ADGRA3: variants seen among roughly 807,000 people sequenced by gnomAD.
The protein encoded by ADGRA3 is adhesion G protein-coupled receptor A3.
ADGRA3 carries 56 observed loss-of-function variants against 119.8 expected under a neutral mutation model. That is an observed-to-expected ratio of 0.47 (90% CI 0.38 to 0.58). The LOEUF is 0.58. Ranked by LOEUF, ADGRA3 falls within the 20% of genes least tolerant of loss-of-function variation. The pLI is 0.00. For synonymous variants in ADGRA3, 607 were observed against 623.8 expected, an observed-to-expected ratio of 0.97 and a Z score of 0.40; for missense variants, 1,516 against 1,649.0, an observed-to-expected ratio of 0.92 and a Z score of 1.40.
chr4:22,431,089 G>T (rs1027607924), intron 10 of ADGRA3, among the ~76,000 whole-genome samples: 3 of 152,182 alleles, frequency 2.0e-5, no homozygotes, highest in African/African-American at 7.2e-5. Context: ...GAAGTTTGCT[G>T]CAGGGGTAGG....
chr4:22,448,469 G>A (rs958746666), intron 4 of ADGRA3, among the ~76,000 whole-genome samples: 3 of 152,132 alleles, frequency 2.0e-5, no homozygotes, highest in Non-Finnish European at 2.9e-5. Context: ...AGGTGGGGGT[G>A]GAACACAGCA....
intron 1 of ADGRA3, among the ~76,000 whole-genome samples, chr4:22,508,505 A>C (rs1255188459): frequency 6.6e-6 from 1 of 152,234 alleles, no homozygotes; most frequent in Non-Finnish European, 1.5e-5. Flanking sequence ...GGAAAAAGTA[A>C]TCTGTGCTGG....
At chr4:22,391,056 A>G (rs116357681) in intron 17 of ADGRA3, among the ~76,000 whole-genome samples, 16 of 152,176 alleles carry the variant, frequency 1.1e-4, no homozygotes, top group African/African-American at 3.9e-4. Context: ...TCTGCAGCCA[A>G]AAATCCAGTG....
Position 22,445,292 on chromosome 4 carries a change from G to C in ADGRA3, c.546-159C>G, listed in dbSNP as rs537792717. On this transcript the variant is annotated intron_variant, in intron 5 of 18. Coordinates refer to ENST00000334304, the MANE Select transcript of ADGRA3 (RefSeq NM_145290.4). ...ACTAGCTACAGTTTCTCTCCAAGGA[G>C]CTGAATTGCAGAGTGTTGGACCCCA... is the stretch of plus-strand genomic sequence containing the variant. 3.3e-5 allele frequency among the ~76,000 whole-genome samples: 5 copies of C among 152,296 alleles called. No homozygotes were observed. The East Asian group carries it at 9.7e-4, about 29-fold the overall frequency.
intron 4 of ADGRA3, among the ~76,000 whole-genome samples, chr4:22,453,850 C>CT (rs987498340): frequency 3.5e-4 from 53 of 149,720 alleles, no homozygotes; most frequent in African/African-American, 8.3e-4. Flanking sequence ...TTCTTTATTA[C>CT]TTTTTTTTTT....
At chr4:22,443,220 A>C in intron 6 of ADGRA3, 1 of 579,132 alleles carries the variant, frequency 1.7e-6, no homozygotes, top group Non-Finnish European at 3.0e-6. Context: ...TACACTTTGG[A>C]GACTGCAATA....
rs35762546 is a variant in ADGRA3, at chr4:22,442,712, G to C, written c.858C>G (p.Thr286=). The C allele has an allele frequency of 1.2e-6, 2 of 1,613,020 alleles. No individual in the cohort carries two copies. The highest frequency in any genetic ancestry group is 1.3e-5 in the African/African-American group (1 of 74,724). The change falls in exon 7 of 19, where the codon ACC becomes ACG. Residue 286 remains threonine, a synonymous_variant. Transcript: ENST00000334304. ...CAACAAAAATACCTTGCGATTCATC[G>C]GTTTCAACTATTCTCCCATCCTGAT... ...LWYQDGRIVE[T]DESQGIFVEK...
intron 3 of ADGRA3, among the ~76,000 whole-genome samples, chr4:22,457,672 T>C (rs368275193): frequency 6.6e-6 from 1 of 152,234 alleles, no homozygotes; most frequent in Non-Finnish European, 1.5e-5. Flanking sequence ...TGAATGAGAA[T>C]TTTTAAAATT....
chr4:22,466,673 C>T (rs1717670635), intron 2 of ADGRA3, among the ~76,000 whole-genome samples: 1 of 152,002 alleles, frequency 6.6e-6, no homozygotes, highest in Admixed American at 6.5e-5. Flanking sequence ...GAGATCACAC[C>T]ACCGCACTCC....
chr4:22,493,730 A>G (rs1269963735), intron 1 of ADGRA3, among the ~76,000 whole-genome samples: 2 of 152,226 alleles, frequency 1.3e-5, no homozygotes, highest in East Asian at 3.9e-4. Context: ...TCCATCTTGA[A>G]TAGGAGCTAG....
chr4:22,486,879 T>C (rs937174687), intron 1 of ADGRA3, among the ~76,000 whole-genome samples: 3 of 152,170 alleles, frequency 2.0e-5, no homozygotes, highest in Non-Finnish European at 4.4e-5. Context: ...TAAGAGACAA[T>C]ACAAGGCTTG....
chr4:22,502,026 C>T (rs1034589399), intron 1 of ADGRA3, among the ~76,000 whole-genome samples: 9 of 152,192 alleles, frequency 5.9e-5, no homozygotes, highest in African/African-American at 1.9e-4. Context: ...CTCCATTTCT[C>T]ATAGGTTCAG....
chr4:22,420,866 G>C lies in ADGRA3; in HGVS notation c.1809+20C>G, dbSNP rs904639071. On this transcript the variant is annotated intron_variant, in intron 12 of 18. Transcript: ENST00000334304. ...AATTTAACTGTAAATAGTCTTAAATGATTGCAGAATGTAACATACCTTTAG... is the reference window on the plus strand; with the variant it reads ...AATTTAACTGTAAATAGTCTTAAATCATTGCAGAATGTAACATACCTTTAG... 3.1e-6 allele frequency: 5 copies of C among 1,600,198 alleles called. No individual in the cohort carries two copies. Among genetic ancestry groups the C allele is most frequent in the Non-Finnish European group, 8.6e-7 (1 of 1,167,406 alleles).
At chr4:22,481,871 C>T (rs569666667) in intron 1 of ADGRA3, among the ~76,000 whole-genome samples, 5 of 152,256 alleles carry the variant, frequency 3.3e-5, no homozygotes, top group South Asian at 2.1e-4. Flanking sequence ...GCAAATCAAA[C>T]GCCATTTTCT....
intron 4 of ADGRA3, among the ~76,000 whole-genome samples, chr4:22,452,994 TAA>T (rs1294659224): frequency 6.6e-6 from 1 of 151,420 alleles, no homozygotes; most frequent in Non-Finnish European, 1.5e-5. Flanking sequence ...GTCAGGAGTC[TAA>T]GACCAGCCTG....
At chr4:22,456,840 T>A (rs1717257898) in intron 3 of ADGRA3, among the ~76,000 whole-genome samples, 1 of 152,238 alleles carries the variant, frequency 6.6e-6, no homozygotes, top group African/African-American at 2.4e-5. Context: ...TATGGCAACA[T>A]TTGATAAAAG....
rs1035414702 is a variant in ADGRA3 at position 22,388,414 on chromosome 4, G to A, written c.3257C>T (p.Ala1086Val). 6.2e-6 allele frequency: 10 copies of A among 1,613,934 alleles called. No homozygotes were observed. The highest frequency in any genetic ancestry group is 1.3e-5 in the African/African-American group (1 of 74,902). Reference sequence around the variant, plus strand: ...CGCACTGCTATTGGGGCATTTGGGTGCCTCTCCATTCGTCCCATTAGAGTT... The same window carrying A: ...CGCACTGCTATTGGGGCATTTGGGTACCTCTCCATTCGTCCCATTAGAGTT... ...PPNSNGTNGE[A>V]PKCPNSSAES... Residue 1086 changes from alanine (A) to valine (V), a missense_variant, in exon 19 of 19, where the codon GCA (alanine) becomes GTA (valine). Physicochemically the swap from Ala to Val is moderately conservative, Grantham distance 64. Coordinates refer to ENST00000334304, the MANE Select transcript of ADGRA3 (RefSeq NM_145290.4).
intron 17 of ADGRA3, among the ~76,000 whole-genome samples, chr4:22,392,185 C>A (rs1234689820): frequency 6.6e-6 from 1 of 152,210 alleles, no homozygotes; most frequent in Non-Finnish European, 1.5e-5. Context: ...TAAACTGATA[C>A]ATACTTGAGT....
At chr4:22,509,135 G>C (rs1719346159) in intron 1 of ADGRA3, among the ~76,000 whole-genome samples, 1 of 152,188 alleles carries the variant, frequency 6.6e-6, no homozygotes, top group Admixed American at 6.5e-5. Context: ...ACATGCAGGG[G>C]AGAGAGTTCA....
Sources: allele counts gnomAD v4.1 joint callset (sites outside exome capture counted in the v4.1 genomes callset), GRCh38; gene constraint gnomAD v4.1.1; transcripts MANE v1.5; gene names NCBI Gene and HGNC (gene_info 2026-07-23, HGNC 2026-07-21).